The following RPS6KC1 variants were observed in gnomAD, a reference collection of about 807,000 sequenced individuals.
RPS6KC1 encodes the protein ribosomal protein S6 kinase C1.
Under a neutral mutation model 103.8 loss-of-function variants are expected in RPS6KC1, and 54 were observed. The observed-to-expected ratio is 0.52, with a 90% CI of 0.42 to 0.65. The LOEUF is 0.65. Among genes scored for constraint, RPS6KC1 ranks in the 30% least tolerant of loss-of-function variants. RPS6KC1 has a pLI of 0.00. For missense variants in RPS6KC1, 1,151 were observed against 1,253.8 expected (o/e 0.92, Z 1.24); for synonymous variants, 439 against 438.7 (o/e 1.00, Z -0.01).
the RPS6KC1 span, among the ~76,000 whole-genome samples, chr1:213,797,307 T>G: frequency 2.6e-5 from 4 of 152,294 alleles, no homozygotes; most frequent in Non-Finnish European, 4.4e-5. Flanking sequence ...CTTTCCATGG[T>G]AAAGAATATA....
chr1:213,712,235 G>A, the RPS6KC1 span, among the ~76,000 whole-genome samples: 4 of 152,196 alleles, frequency 2.6e-5, no homozygotes, highest in African/African-American at 9.7e-5. Context: ...GTTTATAGAG[G>A]CAGTCTGGCT....
chr1:213,814,112 C>G, the RPS6KC1 span, among the ~76,000 whole-genome samples: 2 of 152,206 alleles, frequency 1.3e-5, no homozygotes, highest in South Asian at 4.1e-4. Flanking sequence ...CAAGGAAAAC[C>G]AGACAGCAGA....
the RPS6KC1 span, among the ~76,000 whole-genome samples, chr1:213,517,562 G>A: frequency 6.6e-6 from 1 of 152,180 alleles, no homozygotes; most frequent in African/African-American, 2.4e-5. Flanking sequence ...TTAATCCTGA[G>A]TTCTAGTTTG....
the RPS6KC1 span, among the ~76,000 whole-genome samples, chr1:213,366,246 A>G: frequency 6.6e-6 from 1 of 151,880 alleles, no homozygotes; most frequent in Non-Finnish European, 1.5e-5. Flanking sequence ...CTCATCTGTA[A>G]TGCCCTCTAC....
At chr1:213,698,670 T>C in the RPS6KC1 span, among the ~76,000 whole-genome samples, 157 of 152,248 alleles carry the variant, frequency 1.0e-3, no homozygotes, top group Non-Finnish European at 2.0e-3. Flanking sequence ...TTCAAGTTTT[T>C]CTTTGCTTCA....
At chr1:213,330,651 AC>A in the RPS6KC1 span, among the ~76,000 whole-genome samples, 1 of 152,162 alleles carries the variant, frequency 6.6e-6, no homozygotes, top group Non-Finnish European at 1.5e-5. Flanking sequence ...ATAGAAAACC[AC>A]CCTGCGCCCC....
intron 8 of RPS6KC1, among the ~76,000 whole-genome samples, chr1:213,208,049 G>A (rs2148646299): frequency 6.6e-6 from 1 of 152,180 alleles, no homozygotes; most frequent in South Asian, 2.1e-4. Context: ...CTTCAGAAGG[G>A]GGAGGAATTA....
intron 6 of RPS6KC1, among the ~76,000 whole-genome samples, chr1:213,166,749 T>C (rs2091001149): frequency 6.6e-6 from 1 of 152,194 alleles, no homozygotes; most frequent in South Asian, 2.1e-4. Context: ...CAGCTTTTCG[T>C]TGAGGTCCGT....
chr1:213,323,574 G>A, the RPS6KC1 span, among the ~76,000 whole-genome samples: 1 of 152,192 alleles, frequency 6.6e-6, no homozygotes, highest in Non-Finnish European at 1.5e-5. Flanking sequence ...CACAAACTGA[G>A]GAACCATAGA....
chr1:213,278,553 T>A (rs186736527), downstream of RPS6KC1, among the ~76,000 whole-genome samples: 2 of 152,198 alleles, frequency 1.3e-5, no homozygotes, highest in African/African-American at 2.4e-5. Flanking sequence ...TAAGAAAACT[T>A]CTTTAAAATT....
the RPS6KC1 span, among the ~76,000 whole-genome samples, chr1:213,385,800 G>A: frequency 6.6e-6 from 1 of 152,174 alleles, no homozygotes; most frequent in Non-Finnish European, 1.5e-5. Context: ...GGCTCTGTGT[G>A]GTGTGAACAA....
the RPS6KC1 span, among the ~76,000 whole-genome samples, chr1:213,309,366 G>A: frequency 2.6e-5 from 4 of 152,166 alleles, no homozygotes; most frequent in South Asian, 2.1e-4. Flanking sequence ...GATAAGGACA[G>A]TATGGATGTT....
the RPS6KC1 span, chr1:213,819,538 G>C: frequency 6.6e-6 from 1 of 152,250 alleles, no homozygotes; most frequent in East Asian, 1.9e-4. Flanking sequence ...AGAGGCATAT[G>C]AAAGAGCACT....
the RPS6KC1 span, among the ~76,000 whole-genome samples, chr1:213,496,518 G>T: frequency 2.0e-5 from 3 of 152,176 alleles, no homozygotes; most frequent in African/African-American, 7.2e-5. Context: ...AGCACTTTGG[G>T]AGGCTGAGGT....
chr1:213,558,213 A>G, the RPS6KC1 span, among the ~76,000 whole-genome samples: 86 of 152,350 alleles, frequency 5.6e-4, 1 homozygote, highest in South Asian at 1.9e-3. Context: ...TTTGCAGATA[A>G]CAGGAGTTGG....
chr1:213,407,076 T>C, the RPS6KC1 span, among the ~76,000 whole-genome samples: 1 of 152,030 alleles, frequency 6.6e-6, no homozygotes, highest in Non-Finnish European at 1.5e-5. Context: ...GCCCCCAAGG[T>C]CCTACCCGGA....
chr1:213,597,273 A>G, the RPS6KC1 span, among the ~76,000 whole-genome samples: 4 of 152,148 alleles, frequency 2.6e-5, no homozygotes, highest in Admixed American at 2.6e-4. Context: ...TTAAGCTGAT[A>G]TTTGCATGTT....
chr1:213,807,056 T>C, the RPS6KC1 span, among the ~76,000 whole-genome samples: 4 of 152,218 alleles, frequency 2.6e-5, no homozygotes, highest in Non-Finnish European at 5.9e-5. Flanking sequence ...TTTGACTGGA[T>C]ATGAAATTCT....
chr1:213,368,615 C>A, the RPS6KC1 span, among the ~76,000 whole-genome samples: 1 of 152,090 alleles, frequency 6.6e-6, no homozygotes, highest in Admixed American at 6.6e-5. Flanking sequence ...TGAATTGTTG[C>A]CTATTGTAAC....
Sources: allele counts gnomAD v4.1 joint callset (sites outside exome capture counted in the v4.1 genomes callset), GRCh38; gene constraint gnomAD v4.1.1; transcripts MANE v1.5; gene names NCBI Gene and HGNC (gene_info 2026-07-23, HGNC 2026-07-21).